Variants in UTP18 observed in about 807,000 individuals in gnomAD.
The protein encoded by UTP18 is UTP18 small subunit processome component, also known as U3 small nucleolar RNA-associated protein 18 homolog.
A neutral mutation model predicts 61.1 loss-of-function variants in UTP18; 36 were observed. That is an observed-to-expected ratio of 0.59 (90% CI 0.45 to 0.78). The LOEUF is 0.78. Among genes scored for constraint, UTP18 ranks in the 30% least tolerant of loss-of-function variants. The probability of loss-of-function intolerance (pLI) is 0.00; values close to 1 mark genes in which losing one functional copy is unlikely to be tolerated. For synonymous variants in UTP18, 282 were observed against 251.1 expected (o/e 1.12, Z -1.16); for missense variants, 753 against 693.9 (o/e 1.09, Z -0.96).
chr17:51,288,104 T>G lies in UTP18; in HGVS notation c.1404T>G (p.Ala468=), dbSNP rs555808425. The part of the protein sequence containing the change: ...LQETNPKPIK[A]IMNLVTGVTS... ...AAACAAACCCAAAGCCAATAAAAGCTATAATGAACTTGGTTACAGGTGTTA... is the reference window on the plus strand; with the variant it reads ...AAACAAACCCAAAGCCAATAAAAGCGATAATGAACTTGGTTACAGGTGTTA... The change falls in exon 11 of 14, where the codon GCT becomes GCG. Residue 468 remains alanine, a synonymous_variant. Transcript: ENST00000225298. 6.2e-7 allele frequency: 1 copy of G among 1,611,124 alleles called. No homozygotes were observed. Among genetic ancestry groups the G allele is most frequent in the East Asian group, 2.2e-5 (1 of 44,704 alleles).
Position 51,268,895 on chromosome 17 carries a change from T to C in UTP18, c.613T>C (p.Ser205Pro). 1 of 1,613,772 alleles carries C rather than the reference T, an allele frequency of 6.2e-7. No individual in the cohort carries two copies. Residue 205 changes from serine to proline, a missense_variant, in exon 4 of 14, where the codon TCT (serine) becomes CCT (proline). Physicochemically the swap from Ser to Pro is moderately conservative, Grantham distance 74. Transcript: ENST00000225298. The stretch of plus-strand genomic sequence containing the variant: ...GGCAGAGACTACTAAGCGGAAAACA[T>C]CTTCAGATGGTGAGCGTTGATATTT... Reference protein sequence around the residue: ...AWAETTKRKTSSDDESEEDED... With the variant: ...AWAETTKRKTPSDDESEEDED...
At chr17:51,263,662 G>C (rs1309697365) in intron 2 of UTP18, among the ~76,000 whole-genome samples, 1 of 152,014 alleles carries the variant, frequency 6.6e-6, no homozygotes, top group Non-Finnish European at 1.5e-5. Context: ...CTCCTCTTTT[G>C]GCCAGTTTCT....
intron 4 of UTP18, among the ~76,000 whole-genome samples, chr17:51,272,406 AG>A (rs1356539996): frequency 6.6e-6 from 1 of 152,126 alleles, no homozygotes; most frequent in Non-Finnish European, 1.5e-5. Flanking sequence ...GCCTGAACAT[AG>A]TATTTTTAAG....
At chr17:51,269,033 T>C in intron 4 of UTP18, 129 bp downstream of exon 4, 1 of 884,824 alleles carries the variant, frequency 1.1e-6, no homozygotes, top group Non-Finnish European at 1.7e-6. Flanking sequence ...ACGCCTGTCA[T>C]CCCAGTGCTT....
chr17:51,276,978 G>A (rs1214066092), intron 6 of UTP18, 152 bp from the exon 7 acceptor site: 3 of 743,730 alleles, frequency 4.0e-6, no homozygotes, highest in Non-Finnish European at 6.4e-6. Context: ...ACATAGGCAT[G>A]GTTGATTAAA....
intron 9 of UTP18, among the ~76,000 whole-genome samples, chr17:51,282,740 A>G (rs1415025171): frequency 6.6e-6 from 1 of 152,128 alleles, no homozygotes; most frequent in Non-Finnish European, 1.5e-5. Context: ...AATTTATCAT[A>G]AGGTCCTAAG....
At chr17:51,295,490 G>T (rs1905344981) in intron 12 of UTP18, among the ~76,000 whole-genome samples, 1 of 152,164 alleles carries the variant, frequency 6.6e-6, no homozygotes, top group African/African-American at 2.4e-5. Flanking sequence ...TGTCAGGTTT[G>T]TCAAAGATCA....
Position 51,266,275 on chromosome 17 carries a change from A to G in UTP18, c.549A>G (p.Lys183=). 1.9e-6 allele frequency: 3 copies of G among 1,591,376 alleles called. 1 individual carries two copies. In the South Asian group the frequency reaches 3.5e-5, roughly 18 times the overall value. Residue 183 remains lysine, a synonymous_variant, in exon 3 of 14, where the codon AAA becomes AAG. Coordinates refer to ENST00000225298, the MANE Select transcript of UTP18 (RefSeq NM_016001.3). ...AAGACAACCTTAAAAAGAGACTTAAAGAAGAGTAAGTGTCTTTTTTCATAT... is the reference window on the plus strand; with the variant it reads ...AAGACAACCTTAAAAAGAGACTTAAGGAAGAGTAAGTGTCTTTTTTCATAT... ...LSKDNLKKRL[K]EEFQHAMGGV...
chr17:51,265,464 C>T (rs944046846), intron 2 of UTP18, among the ~76,000 whole-genome samples: 5 of 148,710 alleles, frequency 3.4e-5, no homozygotes, highest in East Asian at 2.0e-4. Flanking sequence ...GGTTCCACCA[C>T]GTTGGCCAGG....
intron 3 of UTP18, 53 bp downstream of exon 3, chr17:51,266,333 A>T (rs763846851): frequency 1.2e-5 from 15 of 1,296,148 alleles, no homozygotes; most frequent in Non-Finnish European, 1.6e-5. Flanking sequence ...ACCAATGCCC[A>T]GTCATTAACC....
chr17:51,269,839 T>TGTG (rs1568265838), intron 4 of UTP18, among the ~76,000 whole-genome samples: 14 of 137,718 alleles, frequency 1.0e-4, no homozygotes, highest in South Asian at 2.3e-4. Context: ...AAATAATGTA[T>TGTG]TGTGTGTGTG....
chr17:51,296,078 T>C (rs574320449), intron 12 of UTP18, among the ~76,000 whole-genome samples: 1 of 152,238 alleles, frequency 6.6e-6, no homozygotes, highest in Non-Finnish European at 1.5e-5. Flanking sequence ...AAAACTTATA[T>C]GCGCTGTCCA....
intron 2 of UTP18, among the ~76,000 whole-genome samples, chr17:51,264,399 A>G (rs2055538767): frequency 1.3e-5 from 2 of 152,054 alleles, no homozygotes; most frequent in South Asian, 4.1e-4. Flanking sequence ...TCACCTCTTT[A>G]TGTATAAACC....
intron 4 of UTP18, among the ~76,000 whole-genome samples, chr17:51,272,854 A>G (rs537427481): frequency 7.9e-5 from 12 of 152,284 alleles, no homozygotes; most frequent in Admixed American, 7.2e-4. Context: ...AGCTGTCTCC[A>G]CTGGAATCAT....
intron 11 of UTP18, among the ~76,000 whole-genome samples, chr17:51,289,371 A>ATTTT (rs58674308): frequency 1.9e-4 from 26 of 138,128 alleles, no homozygotes; most frequent in Admixed American, 8.0e-4. Flanking sequence ...TCATTTTTGT[A>ATTTT]TTTTTTTTTT....
chr17:51,274,133 T>G (rs1017931945), intron 5 of UTP18, among the ~76,000 whole-genome samples: 1 of 152,220 alleles, frequency 6.6e-6, no homozygotes, highest in Non-Finnish European at 1.5e-5. Context: ...TTGGACATGC[T>G]GCTAGGTCCT....
chr17:51,269,049 GC>G, intron 4 of UTP18, 145 bp downstream of exon 4: 1 of 743,054 alleles, frequency 1.3e-6, no homozygotes, highest in Non-Finnish European at 2.2e-6. Context: ...TGCTTTGGGA[GC>G]CCGAGGCGGG....
chr17:51,273,492 C>A, intron 5 of UTP18, 42 bp downstream of exon 5: 4 of 1,452,390 alleles, frequency 2.8e-6, no homozygotes, highest in South Asian at 1.2e-5. Flanking sequence ...TAACTACTTA[C>A]CTCTGCAGTT....
At chr17:51,286,348 G>T in intron 10 of UTP18, 4 of 375,594 alleles carry the variant, frequency 1.1e-5, no homozygotes, top group Admixed American at 3.4e-5. Context: ...GTAGGTTTTT[G>T]TGATTTTCTT....
Sources: gnomAD v4.1 joint callset for allele counts (sites outside exome capture counted in the v4.1 genomes callset) on GRCh38, gnomAD v4.1.1 for gene constraint, MANE v1.5 for transcripts, NCBI Gene and HGNC (gene_info 2026-07-23, HGNC 2026-07-21) for gene names.